Variants in AGPS observed in about 807,000 individuals in gnomAD.
AGPS encodes the protein alkyldihydroxyacetonephosphate synthase, peroxisomal.
A neutral mutation model predicts 90.7 loss-of-function variants in AGPS; 26 were observed. The observed-to-expected ratio is 0.29, with a 90% CI of 0.21 to 0.40. AGPS has a LOEUF of 0.40. Ranked by LOEUF, AGPS falls within the 10% of genes least tolerant of loss-of-function variation. AGPS has a pLI of 1.00. For synonymous variants in AGPS, 294 were observed against 285.3 expected (o/e 1.03, Z -0.31); for missense variants, 540 against 816.1 (o/e 0.66, Z 4.12).
intron 2 of AGPS, among the ~76,000 whole-genome samples, chr2:177,427,332 T>C (rs1366963106): frequency 6.6e-6 from 1 of 152,214 alleles, no homozygotes; most frequent in Non-Finnish European, 1.5e-5. Context: ...TTGAAGGGTT[T>C]TTCACATCTC....
intron 10 of AGPS, among the ~76,000 whole-genome samples, chr2:177,481,082 G>T (rs2105692308): frequency 6.6e-6 from 1 of 152,146 alleles, no homozygotes; most frequent in South Asian, 2.1e-4. Flanking sequence ...TTGACAAGTT[G>T]TTTTAATTAT....
intron 2 of AGPS, among the ~76,000 whole-genome samples, chr2:177,423,651 GTTGA>G (rs1685995101): frequency 6.6e-6 from 1 of 152,316 alleles, no homozygotes; most frequent in East Asian, 1.9e-4. Flanking sequence ...CGGAAATGTA[GTTGA>G]TTGTCTATAT....
intron 1 of AGPS, among the ~76,000 whole-genome samples, chr2:177,417,843 ATATAGT>A (rs1160558532): frequency 1.3e-5 from 2 of 152,176 alleles, no homozygotes; most frequent in African/African-American, 2.4e-5. Flanking sequence ...AAATTTAATC[ATATAGT>A]TATATTTAAC....
intron 8 of AGPS, among the ~76,000 whole-genome samples, chr2:177,461,343 G>T (rs368984101): frequency 6.6e-6 from 1 of 152,206 alleles, no homozygotes; most frequent in Non-Finnish European, 1.5e-5. Context: ...AATAAATGAC[G>T]TTATTACATG....
intron 16 of AGPS, among the ~76,000 whole-genome samples, chr2:177,510,681 A>C (rs1688844112): frequency 6.6e-6 from 1 of 152,060 alleles, no homozygotes; most frequent in Admixed American, 6.5e-5. Flanking sequence ...GTTTTCCTTT[A>C]AAACAATTTC....
At chr2:177,502,896 A>T (rs1688601627) in intron 14 of AGPS, among the ~76,000 whole-genome samples, 1 of 152,000 alleles carries the variant, frequency 6.6e-6, no homozygotes, top group African/African-American at 2.4e-5. Context: ...ATCCTCAATC[A>T]TCTCTCCTGC....
At chr2:177,527,164 A>G (rs1337493004) in intron 19 of AGPS, among the ~76,000 whole-genome samples, 1 of 152,058 alleles carries the variant, frequency 6.6e-6, no homozygotes, top group East Asian at 1.9e-4. Flanking sequence ...ATGGGGGCTC[A>G]CACCTGTAAT....
chr2:177,489,363 C>T (rs576164952), intron 11 of AGPS, among the ~76,000 whole-genome samples: 3 of 152,016 alleles, frequency 2.0e-5, no homozygotes, highest in East Asian at 3.9e-4. Flanking sequence ...GGATTACAGG[C>T]GTGAGCCACC....
At chr2:177,485,802 A>C (rs1026657562) in intron 11 of AGPS, among the ~76,000 whole-genome samples, 1 of 152,176 alleles carries the variant, frequency 6.6e-6, no homozygotes, top group Non-Finnish European at 1.5e-5. Context: ...CTGTAATCCT[A>C]GCTACTCTGG....
chr2:177,491,191 C>G (rs1688245759), intron 11 of AGPS, among the ~76,000 whole-genome samples: 1 of 151,844 alleles, frequency 6.6e-6, no homozygotes, highest in African/African-American at 2.4e-5. Flanking sequence ...CTAAATACAT[C>G]AGCACCGTCT....
At chr2:177,458,317 A>G (rs111500295) in intron 8 of AGPS, among the ~76,000 whole-genome samples, 10,871 of 152,282 alleles carry the variant, frequency 0.071, 491 homozygotes, top group Non-Finnish European at 0.096. Context: ...CCTATTCAAC[A>G]TGGTATTGGA....
At chr2:177,446,572 GA>G (rs1392055950) in intron 8 of AGPS, among the ~76,000 whole-genome samples, 2 of 152,132 alleles carry the variant, frequency 1.3e-5, no homozygotes, top group Non-Finnish European at 2.9e-5. Context: ...ATCAAGCCAG[GA>G]AAACATGAAG....
intron 10 of AGPS, among the ~76,000 whole-genome samples, chr2:177,475,779 A>T (rs768131203): frequency 6.6e-6 from 1 of 152,022 alleles, no homozygotes; most frequent in Non-Finnish European, 1.5e-5. Context: ...TTTGTGTGAC[A>T]TATTTTTATT....
At chr2:177,474,014 C>G (rs550122341) in intron 10 of AGPS, among the ~76,000 whole-genome samples, 3 of 152,158 alleles carry the variant, frequency 2.0e-5, no homozygotes, top group Admixed American at 1.3e-4. Flanking sequence ...TGCCTTCTTA[C>G]TAGTACCTTA....
In AGPS at chr2:177,540,362, G is replaced by A. The variant is rs955676101; in HGVS notation, c.*2167G>A. 2 of 151,624 alleles carry A rather than the reference G, an allele frequency of 1.3e-5. No individual in the cohort carries two copies. The highest frequency in any genetic ancestry group is 1.5e-5 in the Non-Finnish European group (1 of 67,886). The allele number at this position is 151,624 out of a possible 1,614,324, so 9.4% of individuals were successfully genotyped here. On this transcript the variant is annotated 3_prime_UTR_variant, in exon 20 of 20. Coordinates refer to ENST00000264167, the MANE Select transcript of AGPS (RefSeq NM_003659.4). ...ACTCCCCAACCTTGATTTTATAATG[G>A]TGACTGCATTTTGTAGGTGGAATCA...
intron 2 of AGPS, among the ~76,000 whole-genome samples, chr2:177,423,762 G>A (rs1685997968): frequency 6.6e-6 from 1 of 152,140 alleles, no homozygotes; most frequent in Non-Finnish European, 1.5e-5. Flanking sequence ...CCCTATGTTA[G>A]GAGAAGAGTC....
chr2:177,513,720 A>G, intron 16 of AGPS, 99 bp from the exon 17 acceptor site: 1 of 866,254 alleles, frequency 1.2e-6, no homozygotes, highest in Admixed American at 2.0e-5. Flanking sequence ...TAGCTAAGAA[A>G]ATGTCAGACT....
At chr2:177,496,113 C>T (rs1408278168) in intron 12 of AGPS, among the ~76,000 whole-genome samples, 1 of 152,050 alleles carries the variant, frequency 6.6e-6, no homozygotes, top group Non-Finnish European at 1.5e-5. Flanking sequence ...CTTAGTATCA[C>T]AGATGTATGT....
chr2:177,495,387 C>T (rs1464089960), intron 12 of AGPS, among the ~76,000 whole-genome samples: 1 of 152,118 alleles, frequency 6.6e-6, no homozygotes, highest in Non-Finnish European at 1.5e-5. Flanking sequence ...CTCAAAGACT[C>T]ATTATTTTGA....
Sources: allele counts gnomAD v4.1 joint callset (sites outside exome capture counted in the v4.1 genomes callset), GRCh38; gene constraint gnomAD v4.1.1; transcripts MANE v1.5; gene names NCBI Gene and HGNC (gene_info 2026-07-23, HGNC 2026-07-21).